The following SLCO3A1 variants were observed in gnomAD, a reference collection of about 807,000 sequenced individuals.
SLCO3A1 encodes the protein PGE1 transporter.
A neutral mutation model predicts 63.1 loss-of-function variants in SLCO3A1; 27 were observed. The ratio of observed to expected loss-of-function variants is 0.43; its 90% confidence interval spans 0.32 to 0.59. The LOEUF (loss-of-function observed/expected upper bound fraction) is 0.59. Among genes scored for constraint, SLCO3A1 ranks in the 20% least tolerant of loss-of-function variants. The probability of loss-of-function intolerance (pLI) is 0.09; values close to 1 mark genes in which losing one functional copy is unlikely to be tolerated. For missense variants in SLCO3A1, 773 were observed against 945.8 expected (o/e 0.82, Z 2.40); for synonymous variants, 473 against 409.9 (o/e 1.15, Z -1.86).
intron 9 of SLCO3A1, among the ~76,000 whole-genome samples, chr15:92,156,033 G>A (rs2048367098): frequency 6.6e-6 from 1 of 152,132 alleles, no homozygotes; most frequent in Non-Finnish European, 1.5e-5. Flanking sequence ...GATTGTCCTT[G>A]GTCTGGGGTG....
intron 4 of SLCO3A1, among the ~76,000 whole-genome samples, chr15:92,113,086 A>G (rs1183507209): frequency 1.3e-5 from 2 of 152,092 alleles, no homozygotes; most frequent in East Asian, 3.9e-4. Flanking sequence ...TCTCTCTGCT[A>G]CCTCTGACCT....
At chr15:91,893,257 G>A (rs902719685) in intron 1 of SLCO3A1, among the ~76,000 whole-genome samples, 8 of 152,210 alleles carry the variant, frequency 5.3e-5, no homozygotes, top group Non-Finnish European at 1.2e-4. Flanking sequence ...TGGCTGTCCT[G>A]TTGGACAGCC....
intron 6 of SLCO3A1, among the ~76,000 whole-genome samples, 197 bp downstream of exon 6, chr15:92,126,456 G>A (rs1314953622): frequency 2.0e-5 from 3 of 152,154 alleles, no homozygotes; most frequent in African/African-American, 7.2e-5. Flanking sequence ...CCACTCAAAG[G>A]CTGGGAAGCA....
chr15:91,987,000 C>T (rs1220923708), intron 2 of SLCO3A1, among the ~76,000 whole-genome samples: 1 of 152,066 alleles, frequency 6.6e-6, no homozygotes, highest in Non-Finnish European at 1.5e-5. Context: ...CTCAGTGTAT[C>T]CAGGCAGGGA....
At chr15:92,051,883 C>T (rs963589568) in intron 2 of SLCO3A1, among the ~76,000 whole-genome samples, 21 of 152,158 alleles carry the variant, frequency 1.4e-4, no homozygotes, top group Non-Finnish European at 2.5e-4. Context: ...TGTAATTCTA[C>T]AGCAATGAGT....
At chr15:92,159,478 T>C (rs1000191574) in intron 9 of SLCO3A1, among the ~76,000 whole-genome samples, 2 of 148,556 alleles carry the variant, frequency 1.3e-5, no homozygotes, top group African/African-American at 5.0e-5. Flanking sequence ...AACGAAACTC[T>C]GTCTCAAAAA....
intron 2 of SLCO3A1, among the ~76,000 whole-genome samples, chr15:92,002,194 T>C (rs1343779588): frequency 1.3e-5 from 2 of 152,154 alleles, no homozygotes; most frequent in African/African-American, 4.8e-5. Flanking sequence ...TCAGTCCAGA[T>C]GTACATTCGC....
chr15:91,863,943 A>G lies in SLCO3A1; in HGVS notation c.180+9855A>G, dbSNP rs1035638311. On this transcript the variant is annotated intron_variant, in intron 1 of 9. Coordinates refer to ENST00000318445, the MANE Select transcript of SLCO3A1 (RefSeq NM_013272.4). This position sits in a 1 kb window ranked among gnomAD's most constrained non-coding sequence, Gnocchi z 4.3. ...AACCATAAATTAGCACCATTCCTTT[A>G]CCTTTGCCAAGCTGTATACATGCAT... Among the ~76,000 whole-genome samples the G allele has an allele frequency of 6.6e-6, 1 of 152,198 alleles. No individual in the cohort carries two copies. Among genetic ancestry groups the G allele is most frequent in the African/African-American group, 2.4e-5 (1 of 41,438 alleles).
At chr15:91,976,788 G>C in intron 2 of SLCO3A1, among the ~76,000 whole-genome samples, 1 of 152,100 alleles carries the variant, frequency 6.6e-6, no homozygotes, top group East Asian at 1.9e-4. Flanking sequence ...GTTTTTATTA[G>C]GGAGTTTCAA....
chr15:92,086,426 A>T (rs946229530), intron 2 of SLCO3A1, among the ~76,000 whole-genome samples: 1 of 152,176 alleles, frequency 6.6e-6, no homozygotes, highest in Non-Finnish European at 1.5e-5. Flanking sequence ...TGAAATGCCT[A>T]TTAAGGTTTC....
At chr15:92,051,595 G>C (rs1223951303) in intron 2 of SLCO3A1, among the ~76,000 whole-genome samples, 1 of 152,064 alleles carries the variant, frequency 6.6e-6, no homozygotes, top group Non-Finnish European at 1.5e-5. Context: ...CTAAGACCAG[G>C]AGCTTCAGTT....
intron 3 of SLCO3A1, 118 bp downstream of exon 3, chr15:92,095,097 CCTCTGT>C: frequency 3.5e-6 from 1 of 289,340 alleles, no homozygotes; most frequent in African/African-American, 2.4e-5. Context: ...GATGCCCCTG[CCTCTGT>C]AGCTGGGGCT....
chr15:92,031,175 G>A (rs549922925), intron 2 of SLCO3A1, among the ~76,000 whole-genome samples: 1 of 152,146 alleles, frequency 6.6e-6, no homozygotes, highest in Admixed American at 6.5e-5. Flanking sequence ...CAGGGGTAAG[G>A]AAGAGAAAAG....
chr15:91,958,520 C>T (rs1900322084), intron 2 of SLCO3A1, among the ~76,000 whole-genome samples: 3 of 152,188 alleles, frequency 2.0e-5, no homozygotes, highest in Admixed American at 2.0e-4. Flanking sequence ...TCTTCACTTG[C>T]AGAATGGAGA....
intron 9 of SLCO3A1, among the ~76,000 whole-genome samples, chr15:92,152,505 C>T (rs918545499): frequency 4.6e-5 from 7 of 152,154 alleles, no homozygotes; most frequent in South Asian, 2.1e-4. Flanking sequence ...ACAAGTTCAG[C>T]GCTAATTCAA....
chr15:91,919,719 T>C (rs1198512433), intron 2 of SLCO3A1, among the ~76,000 whole-genome samples: 1 of 152,212 alleles, frequency 6.6e-6, no homozygotes, highest in Non-Finnish European at 1.5e-5. Flanking sequence ...AGTAGGATGA[T>C]GGAATGGGCT....
chr15:92,094,223 A>G (rs2047511372), intron 2 of SLCO3A1, among the ~76,000 whole-genome samples: 1 of 152,238 alleles, frequency 6.6e-6, no homozygotes, highest in Non-Finnish European at 1.5e-5. Flanking sequence ...GTGCTACAGA[A>G]TCACTTAATT....
intron 2 of SLCO3A1, among the ~76,000 whole-genome samples, chr15:92,080,169 G>T (rs544134710): frequency 2.0e-5 from 3 of 152,308 alleles, no homozygotes; most frequent in Non-Finnish European, 4.4e-5. Flanking sequence ...TCCTGAAGTC[G>T]TCTAGCTTTG....
Position 91,862,362 on chromosome 15 carries a change from G to A in SLCO3A1, c.180+8274G>A, listed in dbSNP as rs1271547467. 6.6e-6 allele frequency among the ~76,000 whole-genome samples: 1 copy of A among 151,752 alleles called. No individual in the cohort carries two copies. The highest frequency in any genetic ancestry group is 1.5e-5 in the Non-Finnish European group (1 of 67,916). On this transcript the variant is annotated intron_variant, in intron 1 of 9. Transcript: ENST00000318445. The surrounding 1 kb of genome is among the most constrained non-coding windows in gnomAD (Gnocchi z 4.0). Reference sequence around the variant, plus strand: ...GTGGAGACGGGGTTTCACCATGTTGGCCAGGGTGGTCTCGAACTCCTGACC... The same window carrying A: ...GTGGAGACGGGGTTTCACCATGTTGACCAGGGTGGTCTCGAACTCCTGACC...
Sources: gnomAD v4.1 joint callset for allele counts (sites outside exome capture counted in the v4.1 genomes callset) on GRCh38, gnomAD v4.1.1 for gene constraint, Gnocchi (gnomAD v3.1) non-coding constraint, MANE v1.5 for transcripts, NCBI Gene and HGNC (gene_info 2026-07-23, HGNC 2026-07-21) for gene names.